Variants in TSR1 observed in about 807,000 individuals in gnomAD.
TSR1 encodes pre-rRNA-processing protein TSR1 homolog.
TSR1 carries 81 observed loss-of-function variants against 90.9 expected under a neutral mutation model. That is an observed-to-expected ratio of 0.89 (90% CI 0.74 to 1.07). TSR1 has a LOEUF of 1.07. Among genes scored for constraint, TSR1 ranks in the 50% least tolerant of loss-of-function variants. TSR1 has a pLI of 0.00. For synonymous variants in TSR1, 362 were observed against 348.8 expected (o/e 1.04, Z -0.42); for missense variants, 989 against 987.3 (o/e 1.00, Z -0.02).
chr17:2,329,340 A>C lies in TSR1; in HGVS notation c.1903+3T>G. On this transcript the variant is annotated splice_donor_region_variant and intron_variant, in intron 11 of 14. Transcript: ENST00000301364. ...ACAAGAACCCAGCTTCCCCATTGCT[A>C]ACCTGCAGTGTGCTGAGAGAATAAA... The C allele has an allele frequency of 6.2e-7, 1 of 1,614,164 alleles. No individual in the cohort carries two copies. The highest frequency in any genetic ancestry group is 8.5e-7 in the Non-Finnish European group (1 of 1,180,000).
At chr17:2,330,359 T>C (rs762702202) in intron 10 of TSR1, 156 bp downstream of exon 10, 9 of 768,434 alleles carry the variant, frequency 1.2e-5, no homozygotes, top group Non-Finnish European at 1.9e-5. Flanking sequence ...AAAACCATCA[T>C]TGACTTCTCT....
chr17:2,328,692 G>A (rs186122936), intron 11 of TSR1, among the ~76,000 whole-genome samples: 1,786 of 151,220 alleles, frequency 0.012, 17 homozygotes, highest in Non-Finnish European at 0.018. Flanking sequence ...TGAGGCGGGC[G>A]GCTCACGAGG....
chr17:2,323,304 C>G lies in TSR1; in HGVS notation c.*892G>C. On this transcript the variant is annotated 3_prime_UTR_variant, in exon 15 of 15. Transcript: ENST00000301364. The stretch of plus-strand genomic sequence containing the variant: ...GAACACCTGGCCTATTATCAGGGAC[C>G]TTGTGGATGATATCTTCACTGTCAC... 1 of 1,614,060 alleles carries G rather than the reference C, an allele frequency of 6.2e-7. No homozygotes were observed. Among genetic ancestry groups the G allele is most frequent in the Non-Finnish European group, 8.5e-7 (1 of 1,179,944 alleles).
chr17:2,335,944 TG>T, intron 2 of TSR1, 92 bp downstream of exon 2: 1 of 1,405,034 alleles, frequency 7.1e-7, no homozygotes, highest in Non-Finnish European at 1.0e-6. Flanking sequence ...GCTCTGTCCC[TG>T]GACCCTCCTC....
Position 2,336,053 on chromosome 17 carries a change from T to G in TSR1, c.185A>C (p.Lys62Thr). Reference sequence around the variant, plus strand: ...TCCTCTCACCGCCTCCTTCTTCTGCTTTCGGAGCTGGCTGGCGCGATGCCT... The same window carrying G: ...TCCTCTCACCGCCTCCTTCTTCTGCGTTCGGAGCTGGCTGGCGCGATGCCT... ...DQRHRASQLR[K>T]QKKEAVLAEK... The change falls in exon 2 of 15, where the codon AAG (lysine) becomes ACG (threonine). Residue 62 changes from lysine to threonine, a missense_variant. Coordinates refer to ENST00000301364, the MANE Select transcript of TSR1 (RefSeq NM_018128.5). 1.9e-6 allele frequency: 3 copies of G among 1,614,242 alleles called. No individual in the cohort carries two copies. Among genetic ancestry groups the G allele is most frequent in the Non-Finnish European group, 2.5e-6 (3 of 1,180,046 alleles).
chr17:2,332,711 C>T (rs1008971777), intron 7 of TSR1, among the ~76,000 whole-genome samples: 1 of 152,066 alleles, frequency 6.6e-6, no homozygotes, highest in African/African-American at 2.4e-5. Flanking sequence ...GTGGTGGGCG[C>T]CTGTAGTCCC....
At position 2,325,419 on chromosome 17, in the gene TSR1, C is replaced by T. The variant is rs149134311; in HGVS notation, c.1905G>A (p.Ala635=). The change falls in exon 12 of 15, where the codon GCG becomes GCA. Residue 635 remains alanine, a splice_region_variant and synonymous_variant. Transcript: ENST00000301364. ...ASPLFSQHTA[A]DKHKLQRFLT... Reference sequence around the variant, plus strand: ...GGAATCTCTGCAATTTATGTTTGTCCGCTGCCATAAGGGTTAAAAAATGAA... The same window carrying T: ...GGAATCTCTGCAATTTATGTTTGTCTGCTGCCATAAGGGTTAAAAAATGAA... 5.4e-5 allele frequency: 87 copies of T among 1,609,820 alleles called. No homozygotes were observed. Among genetic ancestry groups the T allele is most frequent in the Non-Finnish European group, 6.6e-5 (78 of 1,178,506 alleles).
rs1393237536 is a variant in TSR1 at position 2,325,342 on chromosome 17, G to A, written c.1982C>T (p.Pro661Leu). The change falls in exon 12 of 15, where the codon CCT becomes CTT. Residue 661 changes from proline to leucine, a missense_variant. Coordinates refer to ENST00000301364, the MANE Select transcript of TSR1 (RefSeq NM_018128.5). The part of the protein sequence containing the change: ...VATVYAPITF[P>L]PASVLLFKQK... Reference sequence around the variant, plus strand: ...CTTGAAAAGCAGCACAGATGCAGGAGGAAAAGTGATTGGCGCATAGACTGT... The same window carrying A: ...CTTGAAAAGCAGCACAGATGCAGGAAGAAAAGTGATTGGCGCATAGACTGT... The A allele has an allele frequency of 1.2e-6, 2 of 1,613,366 alleles. No individual in the cohort carries two copies. Among genetic ancestry groups the A allele is most frequent in the South Asian group, 1.1e-5 (1 of 90,850 alleles).
rs763507991 is a variant in TSR1 at position 2,334,560 on chromosome 17, T to C, written c.893A>G (p.Gln298Arg). The C allele has an allele frequency of 1.4e-5, 22 of 1,614,204 alleles. No homozygotes were observed. Among genetic ancestry groups the C allele is most frequent in the Non-Finnish European group, 1.8e-5 (21 of 1,180,042 alleles). Residue 298 changes from glutamine (Q) to arginine (R), a missense_variant, in exon 5 of 15, where the codon CAG (glutamine) becomes CGG (arginine). Coordinates refer to ENST00000301364, the MANE Select transcript of TSR1 (RefSeq NM_018128.5). ...LLHIVGYGDF[Q>R]MKQIDAPGDP... ...TCCGGGGGCATCTATCTGTTTCATC[T>C]GGAAATCACCATATCCAACGATATG...
intron 8 of TSR1, among the ~76,000 whole-genome samples, chr17:2,331,729 C>G (rs373274039): frequency 6.6e-6 from 1 of 152,102 alleles, no homozygotes; most frequent in Non-Finnish European, 1.5e-5. Flanking sequence ...TATAGCCATG[C>G]GAGAATGGCC....
chr17:2,334,817 CTCCACTGCTTTACTTAGCTTCT>C lies in TSR1; in HGVS notation c.614_635del (p.Lys205ArgfsTer12). The C allele has an allele frequency of 6.2e-7, 1 of 1,614,244 alleles. No individual in the cohort carries two copies. The highest frequency in any genetic ancestry group is 8.5e-7 in the Non-Finnish European group (1 of 1,180,054). The stretch of plus-strand genomic sequence containing the variant: ...GGAGTTTGTCATGCGGAAAGCGCTT[CTCCACTGCTTTACTTAGCTTCT>C]TCCTGGTATCTATTTGTTTCTTCAG... On this transcript the variant is annotated frameshift_variant, in exon 5 of 15. Coordinates refer to ENST00000301364, the MANE Select transcript of TSR1 (RefSeq NM_018128.5). LOFTEE classifies it high-confidence loss of function.
In TSR1 at chr17:2,323,619, C is replaced by A; in HGVS notation, c.*577G>T. The A allele has an allele frequency of 6.2e-7, 1 of 1,602,228 alleles. No individual in the cohort carries two copies. The highest frequency in any genetic ancestry group is 8.5e-7 in the Non-Finnish European group (1 of 1,169,790). On this transcript the variant is annotated 3_prime_UTR_variant, in exon 15 of 15. Coordinates refer to ENST00000301364, the MANE Select transcript of TSR1 (RefSeq NM_018128.5). ...TTTATAGGTAAACCAACTAGACTCCCCTTTCACTAATTCCTACTCCCTTCC... is the reference window on the plus strand; with the variant it reads ...TTTATAGGTAAACCAACTAGACTCCACTTTCACTAATTCCTACTCCCTTCC...
In TSR1 at chr17:2,322,976, G is replaced by C; in HGVS notation, c.*1220C>G. On this transcript the variant is annotated 3_prime_UTR_variant, in exon 15 of 15. Coordinates refer to ENST00000301364, the MANE Select transcript of TSR1 (RefSeq NM_018128.5). ...CACTGCATTTCACCAGGTTGGCCAG[G>C]CTGGTCTTGAACTCCTGACCTCAGC... 1 of 651,184 alleles carries C rather than the reference G, an allele frequency of 1.5e-6. No individual in the cohort carries two copies. The highest frequency in any genetic ancestry group is 1.9e-5 in the South Asian group (1 of 52,386). 40.3% of individuals were successfully genotyped at this position (651,184 alleles called of 1,614,324 possible).
intron 7 of TSR1, 58 bp from the exon 8 acceptor site, chr17:2,332,417 G>C: frequency 7.0e-7 from 1 of 1,425,584 alleles, no homozygotes; most frequent in African/African-American, 1.4e-5. Context: ...CTACCCCAAA[G>C]GCCAATAAGC....
intron 8 of TSR1, 121 bp downstream of exon 8, chr17:2,332,048 G>A: frequency 9.4e-7 from 1 of 1,067,986 alleles, no homozygotes; most frequent in Non-Finnish European, 1.4e-6. Flanking sequence ...TTAAATGTTA[G>A]CTCTTCAGGA....
rs768722028 is a variant in TSR1 at position 2,335,524 on chromosome 17, G to A, written c.408C>T (p.Thr136=). ...CPRLKHRWFF[T]SARPGDLHVV... ...GTATACTCTAACCTGGCCTTGCTGAGGTGAAAAACCACCGATGTTTCAAGC... is the reference window on the plus strand; with the variant it reads ...GTATACTCTAACCTGGCCTTGCTGAAGTGAAAAACCACCGATGTTTCAAGC... The change falls in exon 3 of 15, where the codon ACC becomes ACT. Residue 136 remains threonine, a synonymous_variant. Coordinates refer to ENST00000301364, the MANE Select transcript of TSR1 (RefSeq NM_018128.5). 2.5e-6 allele frequency: 4 copies of A among 1,614,006 alleles called. No homozygotes were observed. The East Asian group carries it at 6.7e-5, about 27-fold the overall frequency.
At position 2,323,059 on chromosome 17, in the gene TSR1, C is replaced by T. The variant is rs2075546727; in HGVS notation, c.*1137G>A. 2.0e-6 allele frequency: 3 copies of T among 1,467,456 alleles called. No individual in the cohort carries two copies. The highest frequency in any genetic ancestry group is 1.7e-5 in the Admixed American group (1 of 58,390). 90.9% of individuals were successfully genotyped at this position (1,467,456 alleles called of 1,614,324 possible). A position where few individuals can be genotyped will look rare whatever the true frequency, so the allele number is the denominator to read the frequency against. On this transcript the variant is annotated 3_prime_UTR_variant, in exon 15 of 15. Transcript: ENST00000301364. ...GGATTACAGGTGTGAGCCACCACAC[C>T]AGGCCCATATTTTCTTTTAGACATG...
Position 2,329,487 on chromosome 17 carries a change from G to A in TSR1, c.1771-12C>T. 1 of 1,612,464 alleles carries A rather than the reference G, an allele frequency of 6.2e-7. No individual in the cohort carries two copies. The highest frequency in any genetic ancestry group is 1.1e-5 in the South Asian group (1 of 90,948). On this transcript the variant is annotated splice_polypyrimidine_tract_variant and intron_variant, in intron 10 of 14. Coordinates refer to ENST00000301364, the MANE Select transcript of TSR1 (RefSeq NM_018128.5). ...TTCAATACTGACATCTGGGGACCAAGTAAGAAAAACAAAAATCTTCATAGT... is the reference window on the plus strand; with the variant it reads ...TTCAATACTGACATCTGGGGACCAAATAAGAAAAACAAAAATCTTCATAGT...
intron 2 of TSR1, 100 bp downstream of exon 2, chr17:2,335,937 C>T (rs2151443201): frequency 2.9e-6 from 4 of 1,366,392 alleles, no homozygotes; most frequent in Non-Finnish European, 4.1e-6. Flanking sequence ...GGGCTATGCT[C>T]TGTCCCTGGA....
Sources: allele counts gnomAD v4.1 joint callset (sites outside exome capture counted in the v4.1 genomes callset), GRCh38; gene constraint gnomAD v4.1.1; transcripts MANE v1.5; gene names NCBI Gene and HGNC (gene_info 2026-07-23, HGNC 2026-07-21).